DLC1: variants seen among roughly 807,000 people sequenced by gnomAD.
DLC1 encodes the protein DLC1 Rho GTPase activating protein, also known as rho GTPase-activating protein 7.
A neutral mutation model predicts 140.3 loss-of-function variants in DLC1; 54 were observed. The observed-to-expected ratio is 0.38, with a 90% CI of 0.31 to 0.48. The LOEUF is 0.48. DLC1 is among the 20% of genes least tolerant of loss of function. The pLI, the probability that DLC1 is intolerant of heterozygous loss-of-function variation, is 0.96. For synonymous variants in DLC1, 986 were observed against 728.1 expected (o/e 1.35, Z -5.70); for missense variants, 2,536 against 1,907.0 (o/e 1.33, Z -6.14).
rs199758893 is a variant in DLC1, at chr8:13,326,941, TTTG to T, written c.1315-21642_1315-21640del. Among the ~76,000 whole-genome samples the T allele has an allele frequency of 4.1e-3, 620 of 151,928 alleles. 7 individuals are homozygous for T. Among genetic ancestry groups the T allele is most frequent in the African/African-American group, 0.014 (592 of 41,440 alleles). On this transcript the variant is annotated intron_variant, in intron 4 of 17. Transcript: ENST00000276297. ...GTAGAAACAGAGACCACTTGCAGTT[TTTG>T]TTGTTGTTGTTGTTTTGTTTTGTTT...
At chr8:13,097,614 G>C (rs147151865) in intron 10 of DLC1, among the ~76,000 whole-genome samples, 65 of 152,226 alleles carry the variant, frequency 4.3e-4, no homozygotes, top group Middle Eastern at 3.4e-3. Flanking sequence ...ACCAGGTACT[G>C]TAAATCAAGA....
chr8:13,141,256 C>CAAAA lies in DLC1; in HGVS notation c.1349-25603_1349-25600dup, dbSNP rs34321250. ...GGTGACACAGTGCAAGAGTCTGTCT[C>CAAAA]AAAAAAAAAAAAAAAAAAAAAAAAA... On this transcript the variant is annotated intron_variant, in intron 5 of 17. Coordinates refer to ENST00000276297, the MANE Select transcript of DLC1 (RefSeq NM_182643.3). Among the ~76,000 whole-genome samples, 279 of 63,748 alleles carry CAAAA rather than the reference C, an allele frequency of 4.4e-3. 33 individuals carry two copies. Among genetic ancestry groups the CAAAA allele is most frequent in the Non-Finnish European group, 5.3e-3 (208 of 39,100 alleles). The allele number at this position is 63,748 out of a possible 152,430, so 41.8% of individuals were successfully genotyped here.
chr8:13,317,888 G>T (rs1437885410), intron 4 of DLC1, among the ~76,000 whole-genome samples: 1 of 152,140 alleles, frequency 6.6e-6, no homozygotes, highest in East Asian at 1.9e-4. Context: ...TAGGAAAAGT[G>T]ATGGTAAGTT....
chr8:13,120,527 T>C (rs1438536916), intron 5 of DLC1, among the ~76,000 whole-genome samples: 5 of 151,762 alleles, frequency 3.3e-5, no homozygotes, highest in Non-Finnish European at 7.4e-5. Flanking sequence ...TCTGAATGTG[T>C]GATTTTCCCT....
chr8:13,492,238 C>G (rs1355873408), intron 2 of DLC1, among the ~76,000 whole-genome samples: 1 of 152,034 alleles, frequency 6.6e-6, no homozygotes. Flanking sequence ...TGGCTCTGGT[C>G]ATCACCTGAT....
intron 5 of DLC1, among the ~76,000 whole-genome samples, chr8:13,165,321 G>A (rs527962334): frequency 6.6e-6 from 1 of 152,286 alleles, no homozygotes; most frequent in East Asian, 1.9e-4. Flanking sequence ...AGAAAGGTAA[G>A]TGGCCTACTT....
At chr8:13,494,032 C>A (rs546726130) in intron 2 of DLC1, among the ~76,000 whole-genome samples, 5 of 152,100 alleles carry the variant, frequency 3.3e-5, no homozygotes, top group Non-Finnish European at 7.4e-5. Context: ...TATTCCTGGA[C>A]AGTTTTTCTA....
At chr8:13,417,525 A>C (rs1181552318) in intron 2 of DLC1, among the ~76,000 whole-genome samples, 2 of 151,544 alleles carry the variant, frequency 1.3e-5, no homozygotes, top group Non-Finnish European at 2.9e-5. Context: ...CCATGTCCCT[A>C]CAAAGGACAT....
intron 5 of DLC1, among the ~76,000 whole-genome samples, chr8:13,242,070 T>C (rs1419695887): frequency 6.6e-6 from 1 of 152,156 alleles, no homozygotes; most frequent in Non-Finnish European, 1.5e-5. Flanking sequence ...ATCTCTTTTA[T>C]AGGTAAAACA....
At chr8:13,421,827 C>T (rs1040437499) in intron 2 of DLC1, among the ~76,000 whole-genome samples, 1 of 152,112 alleles carries the variant, frequency 6.6e-6, no homozygotes, top group Non-Finnish European at 1.5e-5. Context: ...TAACTCTTAA[C>T]CCTAATTTCT....
intron 5 of DLC1, among the ~76,000 whole-genome samples, chr8:13,258,147 C>A (rs1830329789): frequency 6.6e-6 from 1 of 152,130 alleles, no homozygotes; most frequent in African/African-American, 2.4e-5. Context: ...GTAAGAGAAA[C>A]AAAACATTCC....
chr8:13,517,261 A>G (rs1802617940), upstream of DLC1, among the ~76,000 whole-genome samples: 1 of 152,148 alleles, frequency 6.6e-6, no homozygotes, highest in South Asian at 2.1e-4. Flanking sequence ...ATTCTTAGCT[A>G]CATTTTATTC....
At chr8:13,289,953 C>G (rs185710577) in intron 5 of DLC1, among the ~76,000 whole-genome samples, 7 of 152,204 alleles carry the variant, frequency 4.6e-5, no homozygotes, top group Admixed American at 4.6e-4. Flanking sequence ...CCATATGACA[C>G]TTAGGGTATC....
intron 1 of DLC1, among the ~76,000 whole-genome samples, chr8:13,578,083 T>C (rs1804909435): frequency 6.6e-6 from 1 of 152,238 alleles, no homozygotes; most frequent in African/African-American, 2.4e-5. Context: ...TGCATTTCTC[T>C]GTGCGTCCAG....
At chr8:13,485,602 C>G (rs1458687423) in intron 2 of DLC1, among the ~76,000 whole-genome samples, 2 of 152,162 alleles carry the variant, frequency 1.3e-5, no homozygotes, top group South Asian at 2.1e-4. Flanking sequence ...GTTGACATCT[C>G]CTGAGTAAAT....
intron 5 of DLC1, among the ~76,000 whole-genome samples, chr8:13,137,348 G>A (rs1486716021): frequency 6.6e-6 from 1 of 152,128 alleles, no homozygotes; most frequent in Non-Finnish European, 1.5e-5. Flanking sequence ...TGAGATTTTG[G>A]TTTGAGATGC....
chr8:13,197,915 G>C (rs1048280124), intron 5 of DLC1, among the ~76,000 whole-genome samples: 4 of 152,010 alleles, frequency 2.6e-5, no homozygotes, highest in Non-Finnish European at 5.9e-5. Flanking sequence ...GCTTTAGACT[G>C]ATGATACATC....
intron 5 of DLC1, among the ~76,000 whole-genome samples, chr8:13,264,052 T>TTTTTTTATTTATTTA (rs1554484714): frequency 7.0e-6 from 1 of 143,034 alleles, no homozygotes; most frequent in African/African-American, 2.6e-5. Flanking sequence ...ATAAGAAGCT[T>TTTTTTTATTTATTTA]TTTATTTATT....
intron 2 of DLC1, among the ~76,000 whole-genome samples, chr8:13,405,911 CT>C (rs1175535380): frequency 1.7e-4 from 12 of 69,664 alleles, no homozygotes; most frequent in East Asian, 4.9e-4. Flanking sequence ...TTCTTTCTTT[CT>C]TTTCTTTTCT....
Sources: allele counts gnomAD v4.1 joint callset (sites outside exome capture counted in the v4.1 genomes callset), GRCh38; gene constraint gnomAD v4.1.1; transcripts MANE v1.5; gene names NCBI Gene and HGNC (gene_info 2026-07-23, HGNC 2026-07-21).